Variants in TOM1 observed in about 807,000 individuals in gnomAD.
TOM1 encodes target of Myb protein 1.
Under a neutral mutation model 61.3 loss-of-function variants are expected in TOM1, and 38 were observed. That is an observed-to-expected ratio of 0.62 (90% CI 0.48 to 0.81). The LOEUF (loss-of-function observed/expected upper bound fraction) is 0.81. Ranked by LOEUF, TOM1 falls within the 40% of genes least tolerant of loss-of-function variation. The pLI, the probability that TOM1 is intolerant of heterozygous loss-of-function variation, is 0.00. For missense variants in TOM1, 591 were observed against 659.6 expected (o/e 0.90, Z 1.14); for synonymous variants, 270 against 268.8 (o/e 1.00, Z -0.04).
intron 8 of TOM1, among the ~76,000 whole-genome samples, chr22:35,332,585 A>AACAC (rs751364020): frequency 7.9e-5 from 7 of 88,148 alleles, no homozygotes; most frequent in African/African-American, 3.5e-4. Flanking sequence ...AGAGAGCACT[A>AACAC]ACACACACAC....
intron 6 of TOM1, among the ~76,000 whole-genome samples, chr22:35,324,730 A>T (rs916925068): frequency 1.3e-5 from 2 of 152,040 alleles, no homozygotes; most frequent in African/African-American, 4.8e-5. Flanking sequence ...TTGTATTTTT[A>T]GTAGAGATGG....
At chr22:35,308,275 CTT>C (rs138770) in intron 1 of TOM1, among the ~76,000 whole-genome samples, 1,423 of 129,430 alleles carry the variant, frequency 0.011, 13 homozygotes, top group African/African-American at 0.033. Context: ...TTCCTTTTCT[CTT>C]TTTTTTTTTT....
chr22:35,332,611 CACACACAA>C (rs1928940066), intron 8 of TOM1, among the ~76,000 whole-genome samples: 1 of 129,754 alleles, frequency 7.7e-6, no homozygotes, highest in Non-Finnish European at 1.7e-5. Flanking sequence ...CACACATACA[CACACACAA>C]ATATGTAATT....
chr22:35,312,867 A>G (rs1926956547), intron 1 of TOM1, among the ~76,000 whole-genome samples: 2 of 152,180 alleles, frequency 1.3e-5, no homozygotes, highest in Admixed American at 6.5e-5. Context: ...GTGATGGACA[A>G]TGTTTAAACA....
chr22:35,317,863 T>G lies in TOM1; in HGVS notation c.53-14T>G, dbSNP rs1927439962. Reference sequence around the variant, plus strand: ...GACCCCCTCATGACTTTATGACTCCTGGTTTCTTCTCAGAGAAAGCCACAG... The same window carrying G: ...GACCCCCTCATGACTTTATGACTCCGGGTTTCTTCTCAGAGAAAGCCACAG... On this transcript the variant is annotated splice_polypyrimidine_tract_variant and intron_variant, in intron 1 of 14. Coordinates refer to ENST00000449058, the MANE Select transcript of TOM1 (RefSeq NM_005488.3). 1 of 1,612,600 alleles carries G rather than the reference T, an allele frequency of 6.2e-7. No homozygotes were observed. Among genetic ancestry groups the G allele is most frequent in the Admixed American group, 1.7e-5 (1 of 60,004 alleles).
In TOM1 at chr22:35,323,929, G is replaced by C; in HGVS notation, c.648+15G>C. 1 of 1,537,398 alleles carries C rather than the reference G, an allele frequency of 6.5e-7. No individual in the cohort carries two copies. Among genetic ancestry groups the C allele is most frequent in the Non-Finnish European group, 8.8e-7 (1 of 1,139,758 alleles). On this transcript the variant is annotated intron_variant, in intron 6 of 14. Coordinates refer to ENST00000449058, the MANE Select transcript of TOM1 (RefSeq NM_005488.3). This position sits in a 1 kb window ranked among gnomAD's most constrained non-coding sequence, Gnocchi z 4.2. ...CCCCGGAACAGGTAAACGAGCCTGG[G>C]GTCAGAACCGTCAGGTCCAGGCAGG...
At chr22:35,330,867 G>T (rs1928781778) in intron 8 of TOM1, among the ~76,000 whole-genome samples, 1 of 152,142 alleles carries the variant, frequency 6.6e-6, no homozygotes, top group African/African-American at 2.4e-5. Context: ...AAACATTTCT[G>T]GCTAACTTAG....
intron 2 of TOM1, among the ~76,000 whole-genome samples, chr22:35,320,397 G>A (rs1927667471): frequency 6.6e-6 from 1 of 152,094 alleles, no homozygotes; most frequent in Non-Finnish European, 1.5e-5. Flanking sequence ...GAATCACAGA[G>A]GGGACAGGGA....
At chr22:35,333,224 C>T in intron 9 of TOM1, 180 bp from the exon 10 acceptor site, 1 of 776,046 alleles carries the variant, frequency 1.3e-6, no homozygotes, top group Non-Finnish European at 2.1e-6. Flanking sequence ...CCCCAACCTC[C>T]CAGGGAGTCC....
At chr22:35,340,233 C>CGAGGAGGCTA (rs1929762818) in intron 12 of TOM1, among the ~76,000 whole-genome samples, 1 of 152,154 alleles carries the variant, frequency 6.6e-6, no homozygotes, top group Admixed American at 6.5e-5. Flanking sequence ...GACCTGGGGC[C>CGAGGAGGCTA]GAGGAGGCTA....
At chr22:35,342,845 C>T (rs1406837502) in intron 12 of TOM1, among the ~76,000 whole-genome samples, 2 of 148,486 alleles carry the variant, frequency 1.3e-5, no homozygotes, top group Non-Finnish European at 1.5e-5. Context: ...ACACACACCA[C>T]ACCTACACAC....
chr22:35,333,998 C>T (rs368935761), intron 10 of TOM1, among the ~76,000 whole-genome samples: 1 of 152,176 alleles, frequency 6.6e-6, no homozygotes, highest in Non-Finnish European at 1.5e-5. Flanking sequence ...TTTTGCATCA[C>T]TAATGCTATA....
chr22:35,346,844 G>C, intron 13 of TOM1, 86 bp from the exon 14 acceptor site: 1 of 1,309,824 alleles, frequency 7.6e-7, no homozygotes, highest in South Asian at 1.3e-5. Context: ...GAGGTTCAGC[G>C]GGGCCCGAGC....
intron 12 of TOM1, among the ~76,000 whole-genome samples, chr22:35,340,077 A>G (rs1929750946): frequency 6.6e-6 from 1 of 152,206 alleles, no homozygotes; most frequent in African/African-American, 2.4e-5. Context: ...CCATTCTCTC[A>G]TGCATGTCAA....
chr22:35,320,193 A>C, intron 2 of TOM1, among the ~76,000 whole-genome samples: 1 of 152,216 alleles, frequency 6.6e-6, no homozygotes. Context: ...GGCATGGCAG[A>C]ACAGGCCAGG....
chr22:35,345,959 A>C (rs573815119), intron 13 of TOM1, among the ~76,000 whole-genome samples, 175 bp downstream of exon 13: 1 of 152,272 alleles, frequency 6.6e-6, no homozygotes, highest in South Asian at 2.1e-4. Context: ...CACGCCCCCC[A>C]GAGAAGTCCT....
At chr22:35,305,601 A>G (rs1926256406) in intron 1 of TOM1, among the ~76,000 whole-genome samples, 1 of 151,812 alleles carries the variant, frequency 6.6e-6, no homozygotes, top group Non-Finnish European at 1.5e-5. Flanking sequence ...CGAAGGTTGC[A>G]GTGAGCCAAG....
intron 2 of TOM1, among the ~76,000 whole-genome samples, chr22:35,320,111 G>A (rs1466110399): frequency 6.6e-6 from 1 of 152,084 alleles, no homozygotes; most frequent in Non-Finnish European, 1.5e-5. Context: ...AAGGGAAGCT[G>A]TCCAAAGAGA....
chr22:35,324,014 T>C (rs1270254917), intron 6 of TOM1, 100 bp downstream of exon 6: 3 of 1,411,832 alleles, frequency 2.1e-6, no homozygotes, highest in East Asian at 2.4e-5. Flanking sequence ...GAGCCTCCAC[T>C]TCTTCCTCAC....
Sources: gnomAD v4.1 joint callset for allele counts (sites outside exome capture counted in the v4.1 genomes callset) on GRCh38, gnomAD v4.1.1 for gene constraint, Gnocchi (gnomAD v3.1) non-coding constraint, MANE v1.5 for transcripts, NCBI Gene and HGNC (gene_info 2026-07-23, HGNC 2026-07-21) for gene names.